C19orf47: variants seen among roughly 807,000 people sequenced by gnomAD.
C19orf47 encodes the protein uncharacterized protein C19orf47.
In C19orf47, 18 loss-of-function variants were observed where a neutral mutation model predicts 32.3. The ratio of observed to expected loss-of-function variants is 0.56; its 90% confidence interval spans 0.39 to 0.83. The LOEUF is 0.83. Among genes scored for constraint, C19orf47 ranks in the 40% least tolerant of loss-of-function variants. The pLI, the probability that C19orf47 is intolerant of heterozygous loss-of-function variation, is 0.00. For missense variants in C19orf47, 484 were observed against 531.6 expected (o/e 0.91, Z 0.88); for synonymous variants, 202 against 211.1 (o/e 0.96, Z 0.37).
At chr19:40,337,084 C>G (rs1307421861) in intron 2 of C19orf47, among the ~76,000 whole-genome samples, 1 of 152,074 alleles carries the variant, frequency 6.6e-6, no homozygotes, top group Non-Finnish European at 1.5e-5. Flanking sequence ...CAAGTGTTTA[C>G]CCAGCATTTG....
At chr19:40,348,461 C>T (rs1004060208), upstream of C19orf47, 108 of 1,500,762 alleles carry the variant, frequency 7.2e-5, no homozygotes, top group Non-Finnish European at 9.4e-5. Flanking sequence ...CTGACTCGTC[C>T]GCGGCCGCTC....
At chr19:40,323,760 C>G (rs777588290) in intron 8 of C19orf47, among the ~76,000 whole-genome samples, 2 of 152,120 alleles carry the variant, frequency 1.3e-5, no homozygotes, top group Non-Finnish European at 2.9e-5. Flanking sequence ...GACACTAAGA[C>G]CAGTTGGGGA....
chr19:40,321,154 T>C lies in C19orf47; in HGVS notation c.*728A>G. On this transcript the variant is annotated 3_prime_UTR_variant, in exon 9 of 9. Coordinates refer to ENST00000683109, the MANE Select transcript of C19orf47 (RefSeq NM_001256441.2). Reference sequence around the variant, plus strand: ...AGTGCCCCTTGCCCACCACCCGCCATACACTTTCAGAGACAGATGCCCAGG... The same window carrying C: ...AGTGCCCCTTGCCCACCACCCGCCACACACTTTCAGAGACAGATGCCCAGG... The C allele has an allele frequency of 1.1e-6, 1 of 873,578 alleles. No homozygotes were observed. Among genetic ancestry groups the C allele is most frequent in the Non-Finnish European group, 1.4e-6 (1 of 726,740 alleles). 54.1% of individuals were successfully genotyped at this position (873,578 alleles called of 1,614,324 possible).
intron 8 of C19orf47, 135 bp downstream of exon 8, chr19:40,323,871 C>G: frequency 9.1e-7 from 1 of 1,099,246 alleles, no homozygotes; most frequent in African/African-American, 1.5e-5. Flanking sequence ...CAGTGCAAAG[C>G]CAGGAACTGA....
chr19:40,313,794 C>T, the C19orf47 span, among the ~76,000 whole-genome samples: 19 of 152,100 alleles, frequency 1.2e-4, no homozygotes, highest in East Asian at 2.7e-3. Context: ...CAGTAAGCTA[C>T]GATTGTGCCT....
downstream of C19orf47, among the ~76,000 whole-genome samples, chr19:40,318,059 C>T (rs1005997401): frequency 2.0e-5 from 3 of 151,650 alleles, no homozygotes; most frequent in African/African-American, 7.3e-5. Flanking sequence ...GACCCTTCTC[C>T]AAAAGGGCTA....
chr19:40,339,159 C>G (rs117662719), intron 2 of C19orf47: 3 of 153,158 alleles, frequency 2.0e-5, no homozygotes, highest in Non-Finnish European at 4.4e-5. Context: ...TTCCTAGGGA[C>G]CAGGCAAAGC....
intron 5 of C19orf47, among the ~76,000 whole-genome samples, chr19:40,331,074 A>G: frequency 6.6e-6 from 1 of 152,190 alleles, no homozygotes; most frequent in Non-Finnish European, 1.5e-5. Context: ...GTGTTGCAGA[A>G]ACGAACCCTA....
Position 40,348,366 on chromosome 19 carries a change from C to G in C19orf47, c.-76G>C, listed in dbSNP as rs2078375531. 1 of 1,411,702 alleles carries G rather than the reference C, an allele frequency of 7.1e-7. No individual in the cohort carries two copies. The highest frequency in any genetic ancestry group is 1.5e-5 in the African/African-American group (1 of 66,778). The allele number at this position is 1,411,702 out of a possible 1,614,324, so 87.4% of individuals were successfully genotyped here. A position where few individuals can be genotyped will look rare whatever the true frequency, so the allele number is the denominator to read the frequency against. ...CGCCCACTCGCGCCGCCCGCCCTCC[C>G]TCCCGGCGGCGCCAACTGTCAGACA... On this transcript the variant is annotated 5_prime_UTR_variant, in exon 1 of 9. Coordinates refer to ENST00000683109, the MANE Select transcript of C19orf47 (RefSeq NM_001256441.2).
intron 6 of C19orf47, among the ~76,000 whole-genome samples, chr19:40,327,225 G>T: frequency 6.6e-6 from 1 of 151,400 alleles, no homozygotes. Flanking sequence ...TGTTGGTCAG[G>T]CTGCTCTTGA....
At chr19:40,333,457 G>T in intron 5 of C19orf47, among the ~76,000 whole-genome samples, 1 of 152,000 alleles carries the variant, frequency 6.6e-6, no homozygotes, top group Admixed American at 6.6e-5. Flanking sequence ...CCCGGTTAAT[G>T]AAATCAACAT....
chr19:40,333,885 G>A lies in C19orf47; in HGVS notation c.267C>T (p.Ser89=), dbSNP rs374541577. 6.3e-7 allele frequency: 1 copy of A among 1,580,598 alleles called. No individual in the cohort carries two copies. The highest frequency in any genetic ancestry group is 8.6e-7 in the Non-Finnish European group (1 of 1,161,828). The change falls in exon 5 of 9, where the codon AGC becomes AGT. Residue 89 remains serine, a synonymous_variant. Coordinates refer to ENST00000683109, the MANE Select transcript of C19orf47 (RefSeq NM_001256441.2). ...AATESVPCSP[S]PLAGEIRRGT... is the part of the protein sequence containing the mutation. ...CACGGCGAATTTCGCCTGCAAGGGG[G>A]CTAGGGCTGCAGGGTACTGACTCAG...
intron 6 of C19orf47, among the ~76,000 whole-genome samples, chr19:40,327,096 C>A (rs1445157312): frequency 6.6e-6 from 1 of 151,060 alleles, no homozygotes; most frequent in East Asian, 1.9e-4. Flanking sequence ...TCACTACAAC[C>A]TCTGCCTCCT....
chr19:40,306,398 C>A, the C19orf47 span, among the ~76,000 whole-genome samples: 5 of 151,638 alleles, frequency 3.3e-5, no homozygotes, highest in African/African-American at 1.2e-4. Context: ...CCTTTGTACT[C>A]TTGTTACTTT....
the C19orf47 span, among the ~76,000 whole-genome samples, chr19:40,303,325 C>G: frequency 1.3e-5 from 2 of 150,612 alleles, no homozygotes; most frequent in African/African-American, 4.9e-5. Flanking sequence ...AGATCGAGAC[C>G]ATCCTGGCTA....
intron 5 of C19orf47, among the ~76,000 whole-genome samples, chr19:40,330,540 CTTTTTTTTTT>C (rs398034615): frequency 1.1e-4 from 7 of 64,598 alleles, no homozygotes; most frequent in Non-Finnish European, 1.6e-4. Flanking sequence ...ACCCGGCCCT[CTTTTTTTTTT>C]TTTTTTTTTT....
intron 2 of C19orf47, among the ~76,000 whole-genome samples, chr19:40,340,193 G>A (rs1045660904): frequency 2.6e-5 from 4 of 151,764 alleles, no homozygotes; most frequent in Admixed American, 6.6e-5. Context: ...GCAAAAAAGT[G>A]CACAAGTCAA....
intron 4 of C19orf47, among the ~76,000 whole-genome samples, 182 bp from the exon 5 acceptor site, chr19:40,334,111 C>G (rs761997765): frequency 3.3e-5 from 5 of 152,266 alleles, no homozygotes; most frequent in South Asian, 4.1e-4. Context: ...AATATCTGAC[C>G]AGTATATTCA....
chr19:40,323,930 T>C, intron 8 of C19orf47, 76 bp downstream of exon 8: 4 of 1,554,798 alleles, frequency 2.6e-6, no homozygotes, highest in Admixed American at 1.7e-5. Context: ...GGTTGAGATG[T>C]GTTAAAGAGT....
Sources: gnomAD v4.1 joint callset for allele counts (sites outside exome capture counted in the v4.1 genomes callset) on GRCh38, gnomAD v4.1.1 for gene constraint, MANE v1.5 for transcripts, NCBI Gene and HGNC (gene_info 2026-07-23, HGNC 2026-07-21) for gene names.